The following AUTS2 variants were observed in gnomAD, a reference collection of about 807,000 sequenced individuals.
AUTS2 encodes the protein activator of transcription and developmental regulator AUTS2, also known as autism susceptibility gene 2 protein.
In AUTS2, 17 loss-of-function variants were observed where a neutral mutation model predicts 112.4. The observed-to-expected ratio is 0.15, with a 90% CI of 0.10 to 0.23. AUTS2 has a LOEUF of 0.23. Ranked by LOEUF, AUTS2 falls within the 10% of genes least tolerant of loss-of-function variation. The pLI is 1.00. For synonymous variants in AUTS2, 751 were observed against 702.7 expected (o/e 1.07, Z -1.09); for missense variants, 1,510 against 1,701.6 (o/e 0.89, Z 1.98).
intron 5 of AUTS2, among the ~76,000 whole-genome samples, chr7:70,695,925 C>T (rs980908919): frequency 2.6e-5 from 4 of 152,178 alleles, no homozygotes; most frequent in African/African-American, 9.6e-5. Context: ...GTAAAATCTT[C>T]AAGTCTGTAG....
At chr7:70,016,672 T>C (rs1043443446) in intron 2 of AUTS2, among the ~76,000 whole-genome samples, 1 of 151,860 alleles carries the variant, frequency 6.6e-6, no homozygotes, top group Non-Finnish European at 1.5e-5. Context: ...TGACAGATTT[T>C]TTTTTTTTTT....
intron 2 of AUTS2, among the ~76,000 whole-genome samples, chr7:70,022,486 A>G (rs1380533945): frequency 6.6e-6 from 1 of 151,922 alleles, no homozygotes; most frequent in Non-Finnish European, 1.5e-5. Flanking sequence ...ATGCCAGGCT[A>G]ATTTTTGTAT....
intron 5 of AUTS2, among the ~76,000 whole-genome samples, chr7:70,664,104 T>G (rs1398849070): frequency 6.6e-6 from 1 of 152,190 alleles, no homozygotes; most frequent in African/African-American, 2.4e-5. Flanking sequence ...TTATTGACAA[T>G]TTATGGTTCA....
chr7:70,430,032 C>T (rs973637672), intron 4 of AUTS2, among the ~76,000 whole-genome samples: 2 of 152,096 alleles, frequency 1.3e-5, no homozygotes, highest in Admixed American at 6.6e-5. Flanking sequence ...AGGAAGAGAG[C>T]ATAGACCTTG....
chr7:70,681,621 C>T (rs1808216880), intron 5 of AUTS2, among the ~76,000 whole-genome samples: 1 of 152,108 alleles, frequency 6.6e-6, no homozygotes, highest in Non-Finnish European at 1.5e-5. Context: ...CACCCCAACC[C>T]GCCCACTTTG....
chr7:69,671,208 A>C (rs1353537667), intron 1 of AUTS2, among the ~76,000 whole-genome samples: 3 of 152,148 alleles, frequency 2.0e-5, no homozygotes, highest in Non-Finnish European at 4.4e-5. Flanking sequence ...TGGAATGCCT[A>C]CATGTAAAAG....
chr7:70,474,037 C>G (rs1797491358), intron 5 of AUTS2, among the ~76,000 whole-genome samples: 1 of 152,182 alleles, frequency 6.6e-6, no homozygotes, highest in Non-Finnish European at 1.5e-5. Context: ...CCCGTAGACT[C>G]ACCCTGGCCT....
intron 1 of AUTS2, among the ~76,000 whole-genome samples, chr7:69,670,435 G>C (rs2129154101): frequency 6.6e-6 from 1 of 152,002 alleles, no homozygotes; most frequent in Non-Finnish European, 1.5e-5. Flanking sequence ...ACTCAAGAGT[G>C]AAAGAAAGGA....
At chr7:69,688,066 A>T (rs1414608616) in intron 1 of AUTS2, among the ~76,000 whole-genome samples, 1 of 152,234 alleles carries the variant, frequency 6.6e-6, no homozygotes, top group Non-Finnish European at 1.5e-5. Flanking sequence ...AGTCTGATGG[A>T]CCCATAATGG....
At chr7:70,360,398 C>A (rs1054941122) in intron 4 of AUTS2, among the ~76,000 whole-genome samples, 1 of 152,150 alleles carries the variant, frequency 6.6e-6, no homozygotes, top group Non-Finnish European at 1.5e-5. Context: ...CTGTCGTCTC[C>A]CAAAGTGCTG....
At chr7:69,823,563 G>A (rs545583458) in intron 1 of AUTS2, among the ~76,000 whole-genome samples, 2 of 152,154 alleles carry the variant, frequency 1.3e-5, no homozygotes, top group African/African-American at 4.8e-5. Flanking sequence ...CAGCTTACTC[G>A]TTTGTGTACT....
At chr7:69,941,457 A>G (rs1796623872) in intron 2 of AUTS2, among the ~76,000 whole-genome samples, 2 of 152,180 alleles carry the variant, frequency 1.3e-5, no homozygotes, top group South Asian at 4.1e-4. Context: ...ATTTGTAACT[A>G]GGTGTTTTCT....
intron 6 of AUTS2, among the ~76,000 whole-genome samples, chr7:70,753,094 C>G (rs1055575793): frequency 6.6e-6 from 1 of 152,040 alleles, no homozygotes; most frequent in Admixed American, 6.6e-5. Flanking sequence ...CACTCAACTG[C>G]GGTGTGTTGC....
At chr7:70,753,169 A>C (rs1585628799) in intron 6 of AUTS2, among the ~76,000 whole-genome samples, 1 of 152,284 alleles carries the variant, frequency 6.6e-6, no homozygotes, top group East Asian at 1.9e-4. Flanking sequence ...GATGATAGCC[A>C]AACTAGCTTC....
intron 5 of AUTS2, among the ~76,000 whole-genome samples, chr7:70,691,821 G>T (rs1267099614): frequency 6.6e-6 from 1 of 151,484 alleles, no homozygotes; most frequent in Non-Finnish European, 1.5e-5. Context: ...GACACATGCA[G>T]ATCTGGCTGA....
At chr7:69,922,868 CT>C (rs1795868407) in intron 2 of AUTS2, among the ~76,000 whole-genome samples, 1 of 152,280 alleles carries the variant, frequency 6.6e-6, no homozygotes, top group Admixed American at 6.5e-5. Context: ...TGTACATTCC[CT>C]TTCCTCTAGT....
At chr7:70,763,453 C>T (rs1049100955) in intron 7 of AUTS2, 112 bp downstream of exon 7, 3 of 753,878 alleles carry the variant, frequency 4.0e-6, no homozygotes, top group African/African-American at 3.5e-5. Context: ...TTGGAAACAT[C>T]ATCCTTTTCT....
At chr7:70,224,646 A>G (rs1811672162) in intron 4 of AUTS2, among the ~76,000 whole-genome samples, 1 of 152,192 alleles carries the variant, frequency 6.6e-6, no homozygotes, top group South Asian at 2.1e-4. Context: ...CTACAGTAGT[A>G]TACAATAATG....
intron 4 of AUTS2, among the ~76,000 whole-genome samples, chr7:70,362,829 G>A (rs1417206189): frequency 6.6e-6 from 1 of 152,150 alleles, no homozygotes; most frequent in Non-Finnish European, 1.5e-5. Flanking sequence ...TTTTTCAGGA[G>A]TTGTGCAAGG....
Sources: gnomAD v4.1 joint callset for allele counts (sites outside exome capture counted in the v4.1 genomes callset) on GRCh38, gnomAD v4.1.1 for gene constraint, MANE v1.5 for transcripts, NCBI Gene and HGNC (gene_info 2026-07-23, HGNC 2026-07-21) for gene names.